The following PIN1 variants were observed in gnomAD, a reference collection of about 807,000 sequenced individuals.
The protein encoded by PIN1 is peptidyl-prolyl cis-trans isomerase NIMA-interacting 1.
PIN1 carries 8 observed loss-of-function variants against 19.9 expected under a neutral mutation model. The observed-to-expected ratio is 0.40, with a 90% CI of 0.24 to 0.72. The LOEUF (loss-of-function observed/expected upper bound fraction) is 0.72. PIN1 is among the 30% of genes least tolerant of loss of function. The probability of loss-of-function intolerance (pLI) is 0.37; values close to 1 mark genes in which losing one functional copy is unlikely to be tolerated. For missense variants in PIN1, 185 were observed against 226.5 expected (o/e 0.82, Z 1.18); for synonymous variants, 86 against 90.8 (o/e 0.95, Z 0.30).
chr19:9,845,307 CGCT>C (rs1199871970), intron 2 of PIN1, among the ~76,000 whole-genome samples: 3 of 151,838 alleles, frequency 2.0e-5, no homozygotes, highest in Admixed American at 2.0e-4. Flanking sequence ...TTGTTGCCCA[CGCT>C]GGAGTGCAGT....
chr19:9,848,244 TCGGG>T, intron 3 of PIN1, 104 bp downstream of exon 3: 1 of 718,856 alleles, frequency 1.4e-6, no homozygotes, highest in Non-Finnish European at 2.5e-6. Flanking sequence ...ACACCGGCCT[TCGGG>T]GTCCAGCAGG....
intron 2 of PIN1, among the ~76,000 whole-genome samples, chr19:9,842,033 C>G (rs1237532811): frequency 6.6e-6 from 1 of 152,132 alleles, no homozygotes; most frequent in Non-Finnish European, 1.5e-5. Flanking sequence ...TGGACAGGTG[C>G]ACCTGGTAAG....
At chr19:9,844,333 A>T (rs960905318) in intron 2 of PIN1, among the ~76,000 whole-genome samples, 1 of 152,174 alleles carries the variant, frequency 6.6e-6, no homozygotes, top group Non-Finnish European at 1.5e-5. Flanking sequence ...TTTACAGGCC[A>T]GTTGAGTGAG....
rs748347273 is a variant in PIN1, at chr19:9,849,520, C to G, written c.*321C>G. On this transcript the variant is annotated 3_prime_UTR_variant, in exon 4 of 4. Transcript: ENST00000247970. ...GAAGGCCTGGTCAGCAGAGCCGCCC[C>G]GTGTCCCCCCAGGTGCTGGAGGCAG... 1.6e-6 allele frequency: 1 copy of G among 644,036 alleles called. No individual in the cohort carries two copies. The highest frequency in any genetic ancestry group is 1.8e-5 in the African/African-American group (1 of 56,204). The allele number at this position is 644,036 out of a possible 1,614,324, so 39.9% of individuals were successfully genotyped here.
chr19:9,846,587 G>C lies in PIN1; in HGVS notation c.272-1443G>C, dbSNP rs1401613884. 1.3e-5 allele frequency among the ~76,000 whole-genome samples: 2 copies of C among 152,166 alleles called. No homozygotes were observed. The highest frequency in any genetic ancestry group is 4.8e-5 in the African/African-American group (2 of 41,432). The stretch of plus-strand genomic sequence containing the variant: ...CCATTTCCACTGCAGTCCCAAGCAG[G>C]TTAGAGCGTGAGGCCGAGGGGCCCT... On this transcript the variant is annotated intron_variant, in intron 2 of 3. Transcript: ENST00000247970. The surrounding 1 kb of genome is among the most constrained non-coding windows in gnomAD (Gnocchi z 5.9).
At chr19:9,836,904 A>G (rs1178178783) in intron 1 of PIN1, 2 of 1,227,446 alleles carry the variant, frequency 1.6e-6, no homozygotes, top group South Asian at 1.3e-5. Context: ...CATCTATACA[A>G]TAGAGATAAT....
chr19:9,839,326 C>T (rs975163190), intron 2 of PIN1, among the ~76,000 whole-genome samples: 3 of 149,772 alleles, frequency 2.0e-5, no homozygotes, highest in South Asian at 2.1e-4. Flanking sequence ...CCCAGCTACT[C>T]GGGAGGCTGA....
chr19:9,837,068 A>G (rs992069926), intron 1 of PIN1: 4 of 368,192 alleles, frequency 1.1e-5, no homozygotes, highest in Admixed American at 6.2e-5. Context: ...GGCTTAAGCA[A>G]TCCTCCCACC....
chr19:9,845,242 G>A (rs111629333), intron 2 of PIN1, among the ~76,000 whole-genome samples: 4,245 of 116,974 alleles, frequency 0.036, 196 homozygotes, highest in African/African-American at 0.12. Flanking sequence ...GGAAGAAAGC[G>A]TTTTTGTTTG....
intron 2 of PIN1, among the ~76,000 whole-genome samples, chr19:9,844,753 G>A (rs540166679): frequency 6.6e-6 from 1 of 152,320 alleles, no homozygotes; most frequent in African/African-American, 2.4e-5. Flanking sequence ...CCTTAGGGTC[G>A]CAGCCTGAGT....
chr19:9,837,180 A>G, intron 1 of PIN1: 1 of 253,956 alleles, frequency 3.9e-6, no homozygotes, highest in South Asian at 4.0e-5. Flanking sequence ...TTGAGACAGA[A>G]TCTCACTCTG....
Position 9,848,938 on chromosome 19 carries a change from A to C in PIN1, c.383-152A>C, listed in dbSNP as rs576379061. On this transcript the variant is annotated intron_variant, in intron 3 of 3. Coordinates refer to ENST00000247970, the MANE Select transcript of PIN1 (RefSeq NM_006221.4). ...ACCCCCAGCTGGGCCGCCGCTCAGC[A>C]CTGGCAATAAACATGGTGACGGATG... 3.0e-4 allele frequency: 185 copies of C among 626,414 alleles called. 4 individuals are homozygous for C. In the South Asian group the frequency reaches 3.4e-3, roughly 11 times the overall value. 38.8% of individuals were successfully genotyped at this position (626,414 alleles called of 1,614,324 possible). A position where few individuals can be genotyped will look rare whatever the true frequency, so the allele number is the denominator to read the frequency against.
At chr19:9,847,189 C>A (rs555257584) in intron 2 of PIN1, among the ~76,000 whole-genome samples, 2 of 152,160 alleles carry the variant, frequency 1.3e-5, no homozygotes, top group East Asian at 3.9e-4. Context: ...TGCACACACA[C>A]GCAGCCCTCC....
rs1423025121 is a variant in PIN1 at position 9,835,345 on chromosome 19, A to ATGGCGGACGAGGAGAAGC, written c.4_21dup (p.Ala2_Leu7dup). On this transcript the variant is annotated inframe_insertion, in exon 1 of 4. Coordinates refer to ENST00000247970, the MANE Select transcript of PIN1 (RefSeq NM_006221.4). Reference sequence around the variant, plus strand: ...AGCAGGCGCTGCGGCAGGAGGGAAGATGGCGGACGAGGAGAAGCTGCCGCC... The same window carrying ATGGCGGACGAGGAGAAGC: ...AGCAGGCGCTGCGGCAGGAGGGAAGATGGCGGACGAGGAGAAGCTGGCGGACGAGGAGAAGCTGCCGCC... 1.3e-6 allele frequency: 2 copies of ATGGCGGACGAGGAGAAGC among 1,519,616 alleles called. No individual in the cohort carries two copies. The highest frequency in any genetic ancestry group is 1.8e-6 in the Non-Finnish European group (2 of 1,139,186). 94.1% of individuals were successfully genotyped at this position (1,519,616 alleles called of 1,614,324 possible).
At chr19:9,844,494 G>GC (rs2046199734) in intron 2 of PIN1, among the ~76,000 whole-genome samples, 1 of 152,192 alleles carries the variant, frequency 6.6e-6, no homozygotes, top group African/African-American at 2.4e-5. Flanking sequence ...GGGTCTGCCA[G>GC]CACAGATAGG....
chr19:9,845,003 A>G (rs1331794971), intron 2 of PIN1, among the ~76,000 whole-genome samples: 5 of 152,196 alleles, frequency 3.3e-5, no homozygotes, highest in Admixed American at 6.5e-5. Flanking sequence ...ATGGGACGGT[A>G]GTAAATGCAG....
chr19:9,836,846 C>T (rs995009518), intron 1 of PIN1: 2 of 1,286,880 alleles, frequency 1.6e-6, no homozygotes, highest in African/African-American at 3.0e-5. Flanking sequence ...GAAGCGTTAC[C>T]CACTGCTGCC....
At chr19:9,848,380 C>A (rs2046242878) in intron 3 of PIN1, 2 of 538,494 alleles carry the variant, frequency 3.7e-6, no homozygotes, top group African/African-American at 3.8e-5. Flanking sequence ...GGGGCATGGT[C>A]TCTTGTGTGT....
In PIN1 at chr19:9,838,243, C is replaced by CT; in HGVS notation, c.59-192dup. On this transcript the variant is annotated intron_variant, in intron 1 of 3. Transcript: ENST00000247970. The surrounding 1 kb of genome is among the most constrained non-coding windows in gnomAD (Gnocchi z 5.8). ...TGCTCTCACCTAGAATGTTAGCTCT[C>CT]TAAGGGCAGGGACTGTATCCTGCCA... is the stretch of plus-strand genomic sequence containing the variant. 3.1e-6 allele frequency: 2 copies of CT among 654,106 alleles called. No homozygotes were observed. Among genetic ancestry groups the CT allele is most frequent in the Non-Finnish European group, 5.6e-6 (2 of 357,474 alleles). The allele number at this position is 654,106 out of a possible 1,614,324, so 40.5% of individuals were successfully genotyped here.
Sources: allele counts gnomAD v4.1 joint callset (sites outside exome capture counted in the v4.1 genomes callset), GRCh38; gene constraint gnomAD v4.1.1; non-coding constraint Gnocchi (gnomAD v3.1); transcripts MANE v1.5; gene names NCBI Gene and HGNC (gene_info 2026-07-23, HGNC 2026-07-21).